RBBP8: variants seen among roughly 807,000 people sequenced by gnomAD.
RBBP8 encodes RB binding protein 8, endonuclease, also known as DNA endonuclease RBBP8.
Under a neutral mutation model 108.3 loss-of-function variants are expected in RBBP8, and 88 were observed. The ratio of observed to expected loss-of-function variants is 0.81; its 90% CI spans 0.68 to 0.97. The LOEUF (loss-of-function observed/expected upper bound fraction) is 0.97. RBBP8 is among the 50% of genes least tolerant of loss of function. The pLI is 0.00. For missense variants in RBBP8, 1,023 were observed against 1,049.0 expected (o/e 0.98, Z 0.34); for synonymous variants, 332 against 348.2 (o/e 0.95, Z 0.52).
intron 16 of RBBP8, among the ~76,000 whole-genome samples, chr18:23,006,990 T>TGTGTGC (rs1255404897): frequency 1.3e-5 from 2 of 151,782 alleles, no homozygotes; most frequent in African/African-American, 2.4e-5. Flanking sequence ...TGCTTTTGTG[T>TGTGTGC]GTGTGCGTGT....
At chr18:22,948,336 A>G (rs1911745883) in intron 3 of RBBP8, among the ~76,000 whole-genome samples, 1 of 152,054 alleles carries the variant, frequency 6.6e-6, no homozygotes. Context: ...TTCCTTCTGA[A>G]TTAAATATAT....
At chr18:22,932,767 A>T (rs530969573), upstream of RBBP8, among the ~76,000 whole-genome samples, 31 of 152,232 alleles carry the variant, frequency 2.0e-4, no homozygotes, top group South Asian at 8.3e-4. Context: ...TGGACTTTTT[A>T]AAAAAAATTA....
chr18:23,003,567 G>A (rs918455691), intron 15 of RBBP8, among the ~76,000 whole-genome samples: 3 of 152,176 alleles, frequency 2.0e-5, no homozygotes, highest in Non-Finnish European at 2.9e-5. Flanking sequence ...ACAATGCTCA[G>A]TAAATTTTGA....
At chr18:23,018,399 CTT>C (rs1223079387) in intron 17 of RBBP8, among the ~76,000 whole-genome samples, 1 of 152,142 alleles carries the variant, frequency 6.6e-6, no homozygotes, top group East Asian at 1.9e-4. Flanking sequence ...TACTTAAACA[CTT>C]ATATTTTTCC....
intron 7 of RBBP8, among the ~76,000 whole-genome samples, 188 bp from the exon 8 acceptor site, chr18:22,984,694 CTTTG>C (rs1482395888): frequency 1.3e-5 from 2 of 152,066 alleles, no homozygotes; most frequent in Non-Finnish European, 2.9e-5. Flanking sequence ...ACTTAAACAG[CTTTG>C]TTTCTTAGTG....
Position 22,987,261 on chromosome 18 carries a change from G to C in RBBP8, c.710-1960G>C, listed in dbSNP as rs2144676890. 1.3e-5 allele frequency among the ~76,000 whole-genome samples: 2 copies of C among 152,198 alleles called. 1 individual carries two copies. The highest frequency in any genetic ancestry group is 4.2e-4 in the South Asian group (2 of 4,816). On this transcript the variant is annotated intron_variant, in intron 8 of 18. Transcript: ENST00000327155. ...GGGGGAGGGAAGGAGGAAGGGAGGAGAGAGAAAAGTGCTAGAGGAGTGGGG... is the reference window on the plus strand; with the variant it reads ...GGGGGAGGGAAGGAGGAAGGGAGGACAGAGAAAAGTGCTAGAGGAGTGGGG...
At chr18:22,935,626 G>T (rs1364091793) in intron 1 of RBBP8, among the ~76,000 whole-genome samples, 2 of 152,150 alleles carry the variant, frequency 1.3e-5, no homozygotes, top group Non-Finnish European at 2.9e-5. Context: ...TCAGGAAATG[G>T]TTAGCAGGAA....
intron 4 of RBBP8, among the ~76,000 whole-genome samples, chr18:22,960,112 C>G (rs547077773): frequency 3.2e-4 from 48 of 152,190 alleles, no homozygotes; most frequent in Admixed American, 1.3e-3. Context: ...CCAGGATGGT[C>G]TCAACCTCCT....
rs1276124270 is a variant in RBBP8, at chr18:22,936,800, G to GA, written c.-48dup. On this transcript the variant is annotated 5_prime_UTR_variant, in exon 2 of 19. Transcript: ENST00000327155. The stretch of plus-strand genomic sequence containing the variant: ...GACTTGATACCTCTATAATGTAACA[G>GA]AAAAGGTCAGAAAATATTAAGCAAG... 1 of 1,609,242 alleles carries GA rather than the reference G, an allele frequency of 6.2e-7. No homozygotes were observed. The highest frequency in any genetic ancestry group is 8.5e-7 in the Non-Finnish European group (1 of 1,176,498).
intron 3 of RBBP8, among the ~76,000 whole-genome samples, chr18:22,947,848 T>G (rs1289586634): frequency 6.6e-6 from 1 of 152,126 alleles, no homozygotes; most frequent in African/African-American, 2.4e-5. Context: ...GAATATTTTA[T>G]TAAGTAATTG....
intron 5 of RBBP8, among the ~76,000 whole-genome samples, chr18:22,973,658 T>C (rs922353993): frequency 7.2e-5 from 11 of 152,240 alleles, no homozygotes; most frequent in African/African-American, 2.7e-4. Context: ...AAATGATTCC[T>C]GGTAATCTAT....
At chr18:22,934,857 T>G (rs1254502698) in intron 1 of RBBP8, 1 of 152,008 alleles carries the variant, frequency 6.6e-6, no homozygotes, top group East Asian at 1.9e-4. Context: ...GGACATTTAC[T>G]GCCTTACGCC....
intron 4 of RBBP8, among the ~76,000 whole-genome samples, chr18:22,951,431 G>A (rs866128974): frequency 3.9e-5 from 6 of 152,144 alleles, no homozygotes; most frequent in South Asian, 2.1e-4. Context: ...AAATAAAATC[G>A]AATTATGTAA....
At chr18:23,009,434 C>G (rs1156561414) in intron 16 of RBBP8, among the ~76,000 whole-genome samples, 1 of 151,048 alleles carries the variant, frequency 6.6e-6, no homozygotes, top group Non-Finnish European at 1.5e-5. Context: ...GCCACCAACT[C>G]AGTACCTTAT....
chr18:22,947,234 T>A (rs73964399), intron 3 of RBBP8, among the ~76,000 whole-genome samples: 5,945 of 152,058 alleles, frequency 0.039, 129 homozygotes, highest in African/African-American at 0.062. Flanking sequence ...ACAAAAAAAA[T>A]TTTCCAGTTG....
At chr18:22,944,960 A>T (rs897358320) in intron 2 of RBBP8, among the ~76,000 whole-genome samples, 1 of 152,254 alleles carries the variant, frequency 6.6e-6, no homozygotes, top group African/African-American at 2.4e-5. Flanking sequence ...TTTAACAAAT[A>T]AAGAAAAATT....
intron 18 of RBBP8, among the ~76,000 whole-genome samples, chr18:23,025,045 C>T (rs1176371189): frequency 6.6e-6 from 1 of 152,058 alleles, no homozygotes; most frequent in Non-Finnish European, 1.5e-5. Flanking sequence ...CCCAGGAGTT[C>T]GAGACCAGCC....
At position 23,026,282 on chromosome 18, in the gene RBBP8, T is replaced by C. The variant is rs2046450410; in HGVS notation, c.*42T>C. On this transcript the variant is annotated 3_prime_UTR_variant, in exon 19 of 19. Coordinates refer to ENST00000327155, the MANE Select transcript of RBBP8 (RefSeq NM_002894.3). ...AGAAGGATGAAGGACAGTTTTTTCC[T>C]TCTTAGTTATTTATAGTTAAAGTTG... is the stretch of plus-strand genomic sequence containing the variant. 2.0e-6 allele frequency: 3 copies of C among 1,514,256 alleles called. No homozygotes were observed. In the South Asian group the frequency reaches 3.4e-5, roughly 17 times the overall value. 93.8% of individuals were successfully genotyped at this position (1,514,256 alleles called of 1,614,324 possible). A position where few individuals can be genotyped will look rare whatever the true frequency, so the allele number is the denominator to read the frequency against.
At chr18:22,950,699 T>C (rs968660736) in intron 4 of RBBP8, among the ~76,000 whole-genome samples, 5 of 152,202 alleles carry the variant, frequency 3.3e-5, no homozygotes, top group African/African-American at 1.2e-4. Flanking sequence ...AAGAAGATGA[T>C]TGCTTGAGTC....
Sources: gnomAD v4.1 joint callset for allele counts (sites outside exome capture counted in the v4.1 genomes callset) on GRCh38, gnomAD v4.1.1 for gene constraint, MANE v1.5 for transcripts, NCBI Gene and HGNC (gene_info 2026-07-23, HGNC 2026-07-21) for gene names.